Variants in CLTRN observed in about 807,000 individuals in gnomAD.
The protein encoded by CLTRN is collectrin, amino acid transport regulator.
CLTRN carries 12 observed loss-of-function variants against 14.5 expected under a neutral mutation model. The observed-to-expected ratio is 0.83, with a 90% CI of 0.53 to 1.34. The LOEUF is 1.34. Ranked by LOEUF, CLTRN falls within the 40% of genes most tolerant of loss-of-function variation. The pLI is 0.00. For missense variants in CLTRN, 154 were observed against 165.1 expected (o/e 0.93, Z 0.37); for synonymous variants, 58 against 56.5 (o/e 1.03, Z -0.12).
chrX:15,630,870 A>G (rs959862967), intron 5 of CLTRN, among the ~76,000 whole-genome samples: 5 of 112,160 alleles, frequency 4.5e-5, no homozygotes, highest in African/African-American at 1.6e-4. Context: ...CCAGAGGATT[A>G]GAACACTTTG....
upstream of CLTRN, among the ~76,000 whole-genome samples, chrX:15,668,511 A>G (rs1288554070): frequency 8.9e-6 from 1 of 112,469 alleles, no homozygotes; most frequent in East Asian, 2.7e-4. Context: ...ATTCTTAGAT[A>G]AAACATTTTT....
At position 15,628,057 on chromosome X, in the gene CLTRN, C is replaced by T; in HGVS notation, c.583G>A (p.Gly195Ser). The T allele has an allele frequency of 8.7e-7, 1 of 1,151,966 alleles. No homozygotes were observed. The highest frequency in any genetic ancestry group is 1.2e-6 in the Non-Finnish European group (1 of 862,121). 94.9% of individuals were successfully genotyped at this position (1,151,966 alleles called of 1,213,427 possible). ...ATGTCCAGGGGATCAGAGGGGATGC[C>T]ATTTTCAATTGTGATCATGTTTTCA... is the stretch of plus-strand genomic sequence containing the variant. Reference protein sequence around the residue: ...KCENMITIENGIPSDPLDMKG... With the variant: ...KCENMITIENSIPSDPLDMKG... Residue 195 changes from glycine (G) to serine (S), a missense_variant, in exon 6 of 6, where the codon GGC (glycine) becomes AGC (serine). Coordinates refer to ENST00000380342, the MANE Select transcript of CLTRN (RefSeq NM_020665.6).
intron 2 of CLTRN, among the ~76,000 whole-genome samples, chrX:15,660,806 CCAACAA>C (rs35179264): frequency 0.21 from 20,959 of 101,234 alleles, 1,912 homozygotes; most frequent in East Asian, 0.52. Context: ...GACCCTGTCT[CCAACAA>C]CAACAACAAC....
chrX:15,671,844 GCACACACACACACACACA>G (rs199900262), intron 1 of CLTRN, among the ~76,000 whole-genome samples: 4 of 90,047 alleles, frequency 4.4e-5, no homozygotes, highest in African/African-American at 1.2e-4. Flanking sequence ...TTTTATGCGC[GCACACACACACACACACA>G]CACACACACA....
Position 15,644,969 on chromosome X carries a change from T to C in CLTRN, c.264A>G (p.Thr88=), listed in dbSNP as rs1360191639. The C allele has an allele frequency of 8.3e-7, 1 of 1,206,592 alleles. No homozygotes were observed. The highest frequency in any genetic ancestry group is 3.0e-5 in the East Asian group (1 of 33,570). The part of the protein sequence containing the change: ...TQRVSFWFVV[T]DPSKNHTLPA... Reference sequence around the variant, plus strand: ...GAAGGGTGTGATTTTTTGAAGGGTCTGTAACCACAAACCAGAATGATACCC... The same window carrying C: ...GAAGGGTGTGATTTTTTGAAGGGTCCGTAACCACAAACCAGAATGATACCC... Residue 88 remains threonine, a synonymous_variant, in exon 4 of 6, where the codon ACA becomes ACG. Transcript: ENST00000380342.
chrX:15,643,123 T>A (rs748690871), intron 4 of CLTRN, among the ~76,000 whole-genome samples: 51 of 111,521 alleles, frequency 4.6e-4, no homozygotes, highest in Non-Finnish European at 8.9e-4. Context: ...AAAAAAACTG[T>A]TGGTGTCATT....
chrX:15,639,557 C>A lies in CLTRN; in HGVS notation c.512+5G>T, dbSNP rs1219170945. The A allele has an allele frequency of 3.3e-6, 4 of 1,200,001 alleles. No individual in the cohort carries two copies. The highest frequency in any genetic ancestry group is 3.4e-6 in the Non-Finnish European group (3 of 887,193). ...TCTTTCAATCACTCCTTTTAAATAT[C>A]TTACCTTCTACGTTGCCAGATCCCT... On this transcript the variant is annotated splice_donor_5th_base_variant and intron_variant, in intron 5 of 5. Transcript: ENST00000380342.
At chrX:15,633,358 C>T (rs747513171) in intron 5 of CLTRN, among the ~76,000 whole-genome samples, 14 of 112,102 alleles carry the variant, frequency 1.2e-4, no homozygotes, top group African/African-American at 4.5e-4. Context: ...CGACTACGTG[C>T]CTCATCTCTG....
In CLTRN at chrX:15,645,080, G is replaced by T. The variant is rs978504531; in HGVS notation, c.204-51C>A. On this transcript the variant is annotated intron_variant, in intron 3 of 5. Transcript: ENST00000380342. The stretch of plus-strand genomic sequence containing the variant: ...CATGAGAAGAATATCATACCAAATG[G>T]CATTAAACCGTTCACTCTGATGCTA... 1.0e-5 allele frequency: 8 copies of T among 771,435 alleles called. No homozygotes were observed. The African/African-American group carries it at 1.7e-4, about 16-fold the overall frequency. 63.6% of individuals were successfully genotyped at this position (771,435 alleles called of 1,213,427 possible). A position where few individuals can be genotyped will look rare whatever the true frequency, so the allele number is the denominator to read the frequency against.
chrX:15,670,879 A>AGTGT (rs543420208), intron 1 of CLTRN, among the ~76,000 whole-genome samples: 44 of 85,082 alleles, frequency 5.2e-4, no homozygotes, highest in Non-Finnish European at 8.9e-4. Flanking sequence ...AAGGGAGACA[A>AGTGT]GTGTGTGTGT....
At chrX:15,668,762 T>A (rs1929667321), upstream of CLTRN, among the ~76,000 whole-genome samples, 1 of 111,814 alleles carries the variant, frequency 8.9e-6, no homozygotes, top group Non-Finnish European at 1.9e-5. Context: ...ATCTGGACCA[T>A]GTGCATTTTA....
upstream of CLTRN, chrX:15,665,082 G>A (rs1929593541): frequency 7.7e-6 from 2 of 258,650 alleles, no homozygotes; most frequent in Non-Finnish European, 6.8e-6. Flanking sequence ...CCCCTTCTGC[G>A]ATTCTCTGGT....
intron 5 of CLTRN, among the ~76,000 whole-genome samples, chrX:15,637,551 G>A (rs1242555178): frequency 8.9e-6 from 1 of 112,146 alleles, no homozygotes; most frequent in Non-Finnish European, 1.9e-5. Flanking sequence ...TAAAGGCAAG[G>A]TGGTGACAAC....
At chrX:15,667,375 T>C (rs975036208), upstream of CLTRN, among the ~76,000 whole-genome samples, 1 of 112,667 alleles carries the variant, frequency 8.9e-6, no homozygotes, top group South Asian at 3.6e-4. Context: ...TTGAAGACAA[T>C]AGAACACTGA....
chrX:15,668,640 G>GT (rs775017878), upstream of CLTRN, among the ~76,000 whole-genome samples: 3 of 110,757 alleles, frequency 2.7e-5, no homozygotes, highest in South Asian at 3.7e-4. Flanking sequence ...TTCTTGAAGC[G>GT]TTTTTTTTCC....
At chrX:15,666,069 C>T (rs1053636312), upstream of CLTRN, among the ~76,000 whole-genome samples, 1 of 111,752 alleles carries the variant, frequency 8.9e-6, no homozygotes, top group African/African-American at 3.3e-5. Context: ...ACAACAGACA[C>T]AGGTACCTAC....
At chrX:15,629,058 G>A (rs560934332) in intron 5 of CLTRN, among the ~76,000 whole-genome samples, 1 of 111,735 alleles carries the variant, frequency 8.9e-6, no homozygotes, top group South Asian at 3.8e-4. Context: ...AGAAGAAGGA[G>A]GGGTTTCCCT....
intron 4 of CLTRN, among the ~76,000 whole-genome samples, chrX:15,644,380 G>A (rs1929010103): frequency 9.0e-6 from 1 of 111,518 alleles, no homozygotes; most frequent in South Asian, 3.7e-4. Context: ...GCATCCTTCT[G>A]TAAATGCATT....
intron 5 of CLTRN, among the ~76,000 whole-genome samples, chrX:15,631,725 C>G (rs1928698995): frequency 8.9e-6 from 1 of 112,217 alleles, no homozygotes; most frequent in African/African-American, 3.2e-5. Flanking sequence ...GCATATTGTT[C>G]TTTTACAACC....
Sources: allele counts gnomAD v4.1 joint callset (sites outside exome capture counted in the v4.1 genomes callset), GRCh38; gene constraint gnomAD v4.1.1; transcripts MANE v1.5; gene names NCBI Gene and HGNC (gene_info 2026-07-23, HGNC 2026-07-21).